The following MBNL2 variants were observed in gnomAD, a reference collection of about 807,000 sequenced individuals.
MBNL2 encodes the protein muscleblind like splicing regulator 2.
Under a neutral mutation model 41.9 loss-of-function variants are expected in MBNL2, and 17 were observed. The observed-to-expected ratio is 0.41, with a 90% CI of 0.28 to 0.61. The LOEUF is 0.61. MBNL2 is among the 20% of genes least tolerant of loss of function. MBNL2 has a pLI of 0.35. For synonymous variants in MBNL2, 195 were observed against 182.9 expected (o/e 1.07, Z -0.53); for missense variants, 336 against 505.6 (o/e 0.66, Z 3.22).
the MBNL2 span, among the ~76,000 whole-genome samples, chr13:97,213,516 A>G: frequency 1.3e-5 from 2 of 152,320 alleles, no homozygotes; most frequent in Non-Finnish European, 2.9e-5. Context: ...GTAAAAACAC[A>G]CATTTAATGA....
the MBNL2 span, among the ~76,000 whole-genome samples, chr13:97,146,831 A>C: frequency 1.3e-5 from 2 of 152,204 alleles, no homozygotes; most frequent in Non-Finnish European, 2.9e-5. Flanking sequence ...GAAGCCCTGC[A>C]GGCTACTTCT....
intron 1 of MBNL2, among the ~76,000 whole-genome samples, chr13:97,223,872 G>A (rs1163950454): frequency 1.3e-5 from 2 of 152,176 alleles, no homozygotes; most frequent in Admixed American, 6.5e-5. Flanking sequence ...AACTTCTGAC[G>A]TCATCCCCCA....
the MBNL2 span, among the ~76,000 whole-genome samples, chr13:97,206,314 T>C: frequency 1.3e-5 from 2 of 152,220 alleles, no homozygotes; most frequent in South Asian, 4.1e-4. Context: ...ACTGAGGATG[T>C]CATACAGTCT....
At chr13:97,373,239 C>G (rs1327784793) in intron 8 of MBNL2, among the ~76,000 whole-genome samples, 1 of 152,136 alleles carries the variant, frequency 6.6e-6, no homozygotes, top group Non-Finnish European at 1.5e-5. Flanking sequence ...TAATCAGGGC[C>G]GAGACATCTC....
the MBNL2 span, among the ~76,000 whole-genome samples, chr13:97,197,807 C>T: frequency 6.6e-6 from 1 of 152,172 alleles, no homozygotes; most frequent in African/African-American, 2.4e-5. Flanking sequence ...TTATTAACTA[C>T]TTAAGCATTC....
intron 3 of MBNL2, among the ~76,000 whole-genome samples, chr13:97,339,171 ATGAG>A (rs1302320487): frequency 7.3e-4 from 1 of 1,372 alleles, no homozygotes; most frequent in Non-Finnish European, 1.5e-3. Context: ...GTGAATGTGT[ATGAG>A]TATGTATTGT....
intron 2 of MBNL2, among the ~76,000 whole-genome samples, chr13:97,308,745 C>A (rs971213543): frequency 5.9e-5 from 9 of 152,106 alleles, no homozygotes; most frequent in African/African-American, 1.7e-4. Flanking sequence ...ACAAAAGATA[C>A]AAGCCTTCAC....
the MBNL2 span, among the ~76,000 whole-genome samples, chr13:97,188,060 T>A: frequency 6.6e-6 from 1 of 152,300 alleles, no homozygotes; most frequent in East Asian, 1.9e-4. Context: ...AACAAGGCTG[T>A]TTTAGGTTTC....
intron 7 of MBNL2, 97 bp from the exon 8 acceptor site, chr13:97,365,039 G>C: frequency 1.2e-6 from 1 of 820,764 alleles, no homozygotes. Context: ...ACTTATTTCT[G>C]GTTGTGCTTC....
intron 1 of MBNL2, among the ~76,000 whole-genome samples, chr13:97,234,439 G>T (rs1349521437): frequency 6.6e-6 from 1 of 152,180 alleles, no homozygotes; most frequent in African/African-American, 2.4e-5. Flanking sequence ...GCTGTGATAA[G>T]AGAAAGAGGT....
intron 1 of MBNL2, among the ~76,000 whole-genome samples, chr13:97,242,309 C>T (rs2044456945): frequency 1.3e-5 from 2 of 152,144 alleles, no homozygotes; most frequent in Non-Finnish European, 1.5e-5. Context: ...AGCCAAGGCT[C>T]CCGCATTTCT....
At chr13:97,373,043 C>T (rs2064540579) in intron 8 of MBNL2, among the ~76,000 whole-genome samples, 1 of 152,178 alleles carries the variant, frequency 6.6e-6, no homozygotes, top group Non-Finnish European at 1.5e-5. Context: ...ATCCTGTCCT[C>T]TCTCTCTCCT....
the MBNL2 span, among the ~76,000 whole-genome samples, chr13:97,178,254 A>G: frequency 2.0e-5 from 3 of 152,356 alleles, no homozygotes; most frequent in Non-Finnish European, 4.4e-5. Flanking sequence ...GGTAGCCATG[A>G]CTATGAAAAT....
chr13:97,368,644 G>A (rs1278463472), intron 8 of MBNL2, among the ~76,000 whole-genome samples: 1 of 151,520 alleles, frequency 6.6e-6, no homozygotes, highest in Non-Finnish European at 1.5e-5. Context: ...TGATTCTTTG[G>A]CTCCATTTAG....
intron 1 of MBNL2, among the ~76,000 whole-genome samples, chr13:97,267,634 C>G (rs887717146): frequency 2.0e-5 from 3 of 152,110 alleles, no homozygotes; most frequent in Non-Finnish European, 1.5e-5. Context: ...GGCAAGTGTC[C>G]GTAAAACAAG....
the MBNL2 span, among the ~76,000 whole-genome samples, chr13:97,170,542 T>C: frequency 3.9e-5 from 6 of 151,968 alleles, no homozygotes; most frequent in Admixed American, 3.9e-4. Flanking sequence ...AGTTTGGGGG[T>C]GGCTAGGCAG....
intron 2 of MBNL2, among the ~76,000 whole-genome samples, chr13:97,312,395 T>A (rs2058691657): frequency 6.6e-6 from 1 of 152,242 alleles, no homozygotes; most frequent in South Asian, 2.1e-4. Flanking sequence ...ATTTCATGTT[T>A]TTGCACTTGT....
At chr13:97,335,096 C>T (rs2060764763) in intron 3 of MBNL2, among the ~76,000 whole-genome samples, 1 of 152,168 alleles carries the variant, frequency 6.6e-6, no homozygotes, top group African/African-American at 2.4e-5. Flanking sequence ...GTCACAAGAC[C>T]AAATGCCGGA....
intron 2 of MBNL2, among the ~76,000 whole-genome samples, chr13:97,295,280 A>G (rs1173752037): frequency 6.6e-6 from 1 of 152,172 alleles, no homozygotes; most frequent in Non-Finnish European, 1.5e-5. Context: ...GAGCTGCTCA[A>G]ATAGGTGCAC....
Sources: gnomAD v4.1 joint callset for allele counts (sites outside exome capture counted in the v4.1 genomes callset) on GRCh38, gnomAD v4.1.1 for gene constraint, MANE v1.5 for transcripts, NCBI Gene and HGNC (gene_info 2026-07-23, HGNC 2026-07-21) for gene names.